GRK5: variants seen among roughly 807,000 people sequenced by gnomAD.
The protein encoded by GRK5 is G protein-coupled receptor kinase 5.
GRK5 carries 40 observed loss-of-function variants against 78.4 expected under a neutral mutation model. The ratio of observed to expected loss-of-function variants is 0.51; its 90% CI spans 0.40 to 0.66. GRK5 has a LOEUF of 0.66. GRK5 is among the 30% of genes least tolerant of loss of function. GRK5 has a pLI of 0.00. For missense variants in GRK5, 598 were observed against 759.9 expected (o/e 0.79, Z 2.50); for synonymous variants, 289 against 296.8 (o/e 0.97, Z 0.27).
chr10:119,407,855 T>A (rs1039352337), intron 4 of GRK5, among the ~76,000 whole-genome samples: 1 of 151,818 alleles, frequency 6.6e-6, no homozygotes, highest in African/African-American at 2.4e-5. Context: ...GAGACCCCCA[T>A]CTCTACAAAG....
chr10:119,291,728 CCTT>C (rs1233719865), intron 1 of GRK5, among the ~76,000 whole-genome samples: 1 of 150,586 alleles, frequency 6.6e-6, no homozygotes, highest in Admixed American at 6.6e-5. Context: ...TCATCCTCCT[CCTT>C]CTTCTCTTCT....
At chr10:119,369,246 GA>G (rs1235543486) in intron 2 of GRK5, among the ~76,000 whole-genome samples, 2 of 152,156 alleles carry the variant, frequency 1.3e-5, no homozygotes, top group East Asian at 3.9e-4. Context: ...TTTACAAGGA[GA>G]AAAAAGGTTG....
At chr10:119,214,778 C>T (rs1400600035) in intron 1 of GRK5, among the ~76,000 whole-genome samples, 1 of 152,220 alleles carries the variant, frequency 6.6e-6, no homozygotes, top group African/African-American at 2.4e-5. Context: ...ACCTTGGCCT[C>T]CCAAAATGTT....
Position 119,455,650 on chromosome 10 carries a change from C to T in GRK5, c.*583C>T, listed in dbSNP as rs768633598. On this transcript the variant is annotated 3_prime_UTR_variant, in exon 16 of 16. Transcript: ENST00000392870. The stretch of plus-strand genomic sequence containing the variant: ...CCTTTGAAGGATTGGTTGTATTTAC[C>T]CACATCTATCTCTGGAGCCATTTCC... The T allele has an allele frequency of 1.5e-5, 4 of 263,628 alleles. No homozygotes were observed. The highest frequency in any genetic ancestry group is 2.9e-5 in the Non-Finnish European group (4 of 137,726). The allele number at this position is 263,628 out of a possible 1,614,324, so 16.3% of individuals were successfully genotyped here.
chr10:119,392,681 G>A (rs1851903976), intron 3 of GRK5, among the ~76,000 whole-genome samples: 1 of 152,076 alleles, frequency 6.6e-6, no homozygotes, highest in African/African-American at 2.4e-5. Flanking sequence ...TGGGATTACA[G>A]GTGTGAACCA....
intron 1 of GRK5, among the ~76,000 whole-genome samples, chr10:119,309,431 G>A (rs939802579): frequency 7.2e-5 from 11 of 152,190 alleles, no homozygotes; most frequent in African/African-American, 2.7e-4. Context: ...GGGTCCAATG[G>A]GAGTGTTGAG....
At chr10:119,233,468 C>T (rs1199322723) in intron 1 of GRK5, among the ~76,000 whole-genome samples, 1 of 152,102 alleles carries the variant, frequency 6.6e-6, no homozygotes, top group African/African-American at 2.4e-5. Flanking sequence ...CACAGCCTAT[C>T]TGAGAATAAA....
intron 3 of GRK5, among the ~76,000 whole-genome samples, chr10:119,382,424 A>G (rs1310152728): frequency 6.6e-6 from 1 of 152,196 alleles, no homozygotes; most frequent in Non-Finnish European, 1.5e-5. Flanking sequence ...ACTTTTTATT[A>G]TGGAAAATTT....
intron 1 of GRK5, among the ~76,000 whole-genome samples, chr10:119,304,321 G>C (rs1481566141): frequency 8.6e-6 from 1 of 116,050 alleles, no homozygotes; most frequent in East Asian, 2.4e-4. Context: ...ACAGGGTCTT[G>C]CTCTGTTGCC....
intron 2 of GRK5, among the ~76,000 whole-genome samples, chr10:119,363,988 C>G (rs1272196369): frequency 6.6e-6 from 1 of 152,226 alleles, no homozygotes; most frequent in Non-Finnish European, 1.5e-5. Context: ...TCTCCCTCTT[C>G]ACTACCTCCT....
In GRK5 at chr10:119,272,317, C is replaced by T. The variant is rs535437486; in HGVS notation, c.53-54199C>T. ...TGAGGCCGGGCGTGGTGGCTCACGC[C>T]TGTAATCCCAGCACTTTAGGAGGCT... On this transcript the variant is annotated intron_variant, in intron 1 of 15. Coordinates refer to ENST00000392870, the MANE Select transcript of GRK5 (RefSeq NM_005308.3). 2.0e-4 allele frequency among the ~76,000 whole-genome samples: 31 copies of T among 152,316 alleles called. No homozygotes were observed. In the South Asian group the frequency reaches 5.4e-3, roughly 26 times the overall value.
At chr10:119,265,802 G>T (rs928086543) in intron 1 of GRK5, among the ~76,000 whole-genome samples, 9 of 152,230 alleles carry the variant, frequency 5.9e-5, no homozygotes, top group Non-Finnish European at 1.2e-4. Flanking sequence ...CCTGGGCCCT[G>T]CAGGTTCTTG....
intron 10 of GRK5, 67 bp downstream of exon 10, chr10:119,439,835 G>C: frequency 1.3e-6 from 2 of 1,503,132 alleles, no homozygotes; most frequent in Non-Finnish European, 1.8e-6. Context: ...GGGCCTCCCA[G>C]GGATTCTCAG....
chr10:119,372,715 C>T (rs1372510229), intron 2 of GRK5, among the ~76,000 whole-genome samples: 4 of 152,148 alleles, frequency 2.6e-5, no homozygotes, highest in Non-Finnish European at 5.9e-5. Context: ...TTCTATATGG[C>T]CACAAGATAG....
At chr10:119,355,106 A>G (rs184132683) in intron 2 of GRK5, among the ~76,000 whole-genome samples, 24 of 152,356 alleles carry the variant, frequency 1.6e-4, no homozygotes, top group Admixed American at 1.1e-3. Flanking sequence ...GTTATACTGT[A>G]TTGTTTAGGG....
chr10:119,399,011 TG>T (rs1355494703), intron 4 of GRK5, among the ~76,000 whole-genome samples: 1 of 152,212 alleles, frequency 6.6e-6, no homozygotes, highest in East Asian at 1.9e-4. Context: ...TGGCCAACCT[TG>T]TCCAGAAGCC....
intron 1 of GRK5, among the ~76,000 whole-genome samples, chr10:119,305,186 C>T (rs779905423): frequency 5.3e-5 from 8 of 152,114 alleles, no homozygotes; most frequent in Non-Finnish European, 1.0e-4. Context: ...GGGCTCTGAG[C>T]TCCAGAGTCC....
chr10:119,399,075 C>A (rs1589788179), intron 4 of GRK5, among the ~76,000 whole-genome samples: 1 of 152,346 alleles, frequency 6.6e-6, no homozygotes, highest in East Asian at 1.9e-4. Flanking sequence ...CTCTGCTCAG[C>A]CTTGCCTCCA....
intron 1 of GRK5, among the ~76,000 whole-genome samples, chr10:119,311,231 C>G (rs575586291): frequency 2.0e-5 from 3 of 152,290 alleles, no homozygotes; most frequent in East Asian, 1.9e-4. Context: ...ATTGATGGAG[C>G]TTTTGCTATG....
Sources: gnomAD v4.1 joint callset for allele counts (sites outside exome capture counted in the v4.1 genomes callset) on GRCh38, gnomAD v4.1.1 for gene constraint, MANE v1.5 for transcripts, NCBI Gene and HGNC (gene_info 2026-07-23, HGNC 2026-07-21) for gene names.